TMCO4: variants seen among roughly 807,000 people sequenced by gnomAD.
TMCO4 encodes the protein transmembrane and coiled-coil domains 4.
A neutral mutation model predicts 64.7 loss-of-function variants in TMCO4; 58 were observed. The ratio of observed to expected loss-of-function variants is 0.90; its 90% CI spans 0.73 to 1.12. The LOEUF (loss-of-function observed/expected upper bound fraction) is 1.12, where lower values mean the gene tolerates loss of function less well. TMCO4 is among the 50% of genes most tolerant of loss of function. The pLI is 0.00. For missense variants in TMCO4, 780 were observed against 825.9 expected (o/e 0.94, Z 0.68); for synonymous variants, 325 against 346.1 (o/e 0.94, Z 0.68).
At chr1:19,777,946 G>C (rs2043285524) in intron 4 of TMCO4, among the ~76,000 whole-genome samples, 1 of 152,162 alleles carries the variant, frequency 6.6e-6, no homozygotes, top group South Asian at 2.1e-4. Context: ...CTGGGGTGGG[G>C]GAAGACCACT....
chr1:19,746,749 C>G, intron 8 of TMCO4, 150 bp from the exon 9 acceptor site: 1 of 1,058,116 alleles, frequency 9.5e-7, no homozygotes, highest in Non-Finnish European at 1.3e-6. Flanking sequence ...ACGGTGAAAC[C>G]TCATCTCTAC....
At chr1:19,692,575 C>CAAAAAA (rs532713684) in intron 15 of TMCO4, among the ~76,000 whole-genome samples, 6 of 63,946 alleles carry the variant, frequency 9.4e-5, no homozygotes, top group Non-Finnish European at 1.7e-4. Context: ...ATTAAAAATA[C>CAAAAAA]AAAAAAAAAA....
intron 15 of TMCO4, among the ~76,000 whole-genome samples, chr1:19,686,876 G>A (rs1038444822): frequency 2.6e-5 from 4 of 152,192 alleles, no homozygotes; most frequent in African/African-American, 9.6e-5. Flanking sequence ...CAAGGGCCTG[G>A]CACTTCATAG....
At chr1:19,708,942 T>G (rs558010203) in intron 13 of TMCO4, among the ~76,000 whole-genome samples, 3 of 152,190 alleles carry the variant, frequency 2.0e-5, no homozygotes, top group African/African-American at 7.2e-5. Context: ...ATTTCCTGAC[T>G]GCGGGTCCAG....
chr1:19,728,545 G>C (rs1054420969), intron 13 of TMCO4, among the ~76,000 whole-genome samples: 3 of 152,228 alleles, frequency 2.0e-5, no homozygotes, highest in Non-Finnish European at 1.5e-5. Context: ...CAAGGTCTGA[G>C]GCCAATTGCT....
intron 6 of TMCO4, among the ~76,000 whole-genome samples, chr1:19,759,276 C>T (rs961749738): frequency 6.6e-6 from 1 of 152,082 alleles, no homozygotes; most frequent in East Asian, 1.9e-4. Flanking sequence ...ACTCCTTCTC[C>T]ACTGCCACCG....
chr1:19,685,040 T>G (rs2095135274), intron 15 of TMCO4, among the ~76,000 whole-genome samples: 1 of 152,116 alleles, frequency 6.6e-6, no homozygotes, highest in Non-Finnish European at 1.5e-5. Flanking sequence ...TTTAAGACAA[T>G]TAGGCCAGGC....
chr1:19,792,576 G>A (rs573792051), intron 2 of TMCO4, among the ~76,000 whole-genome samples: 1 of 152,228 alleles, frequency 6.6e-6, no homozygotes, highest in African/African-American at 2.4e-5. Context: ...AAATTCTAAA[G>A]TTAGCACCAA....
chr1:19,696,637 AT>A (rs1305456050), intron 14 of TMCO4, among the ~76,000 whole-genome samples: 1 of 152,156 alleles, frequency 6.6e-6, no homozygotes, highest in Non-Finnish European at 1.5e-5. Flanking sequence ...AATTCAAGTT[AT>A]TTTATTGAAC....
At chr1:19,735,034 G>A (rs953928797) in intron 13 of TMCO4, among the ~76,000 whole-genome samples, 2 of 152,164 alleles carry the variant, frequency 1.3e-5, no homozygotes, top group Admixed American at 6.5e-5. Context: ...CACTCACAGT[G>A]CACTGGGCAC....
At chr1:19,708,691 A>G (rs4457604) in intron 13 of TMCO4, among the ~76,000 whole-genome samples, 125,428 of 151,978 alleles carry the variant, frequency 0.83, 52,352 homozygotes, top group African/African-American at 0.95. Context: ...GCAAACCCTC[A>G]CAGAGCTTTC....
At chr1:19,723,739 T>C (rs769303037) in intron 13 of TMCO4, among the ~76,000 whole-genome samples, 2 of 152,152 alleles carry the variant, frequency 1.3e-5, no homozygotes, top group Non-Finnish European at 2.9e-5. Context: ...CTGGAGGCTC[T>C]TCCAGCTCTG....
At position 19,709,989 on chromosome 1, in the gene TMCO4, C is replaced by T. The variant is rs149828709; in HGVS notation, c.1265-9104G>A. 7.5e-3 allele frequency among the ~76,000 whole-genome samples: 1,137 copies of T among 152,064 alleles called. 18 individuals carry two copies. Among genetic ancestry groups the T allele is most frequent in the African/African-American group, 0.026 (1,064 of 41,470 alleles). ...ACAGATGGGGTTTCTCCATGTTGGT[C>T]AGGCTGGTCTTGAATTCTCGACCTC... On this transcript the variant is annotated intron_variant, in intron 13 of 15. Coordinates refer to ENST00000294543, the MANE Select transcript of TMCO4 (RefSeq NM_181719.7).
intron 13 of TMCO4, among the ~76,000 whole-genome samples, chr1:19,729,338 G>A (rs974443731): frequency 6.6e-6 from 1 of 151,622 alleles, no homozygotes; most frequent in Non-Finnish European, 1.5e-5. Context: ...AGTAGAGATG[G>A]GGTTTTGCCA....
chr1:19,718,650 CAAA>C (rs754998314), intron 13 of TMCO4, among the ~76,000 whole-genome samples: 3 of 63,320 alleles, frequency 4.7e-5, no homozygotes, highest in South Asian at 7.2e-4. Flanking sequence ...GACCGTCTCT[CAAA>C]AAAAAAAAAA....
chr1:19,759,399 A>C (rs1430947733), intron 6 of TMCO4, among the ~76,000 whole-genome samples: 1 of 152,170 alleles, frequency 6.6e-6, no homozygotes, highest in African/African-American at 2.4e-5. Context: ...CTTTAAAATC[A>C]TCAATCCGGT....
chr1:19,687,115 C>G (rs2095155446), intron 15 of TMCO4, among the ~76,000 whole-genome samples: 1 of 152,122 alleles, frequency 6.6e-6, no homozygotes, highest in Non-Finnish European at 1.5e-5. Context: ...CCACACCTGG[C>G]TAATTTTTGT....
At chr1:19,749,276 T>G (rs2041925683) in intron 7 of TMCO4, among the ~76,000 whole-genome samples, 1 of 152,184 alleles carries the variant, frequency 6.6e-6, no homozygotes. Context: ...AGATTATGCA[T>G]CCCTGCCCTG....
At chr1:19,712,445 C>A (rs2095335268) in intron 13 of TMCO4, among the ~76,000 whole-genome samples, 1 of 151,818 alleles carries the variant, frequency 6.6e-6, no homozygotes, top group South Asian at 2.1e-4. Flanking sequence ...ATGGTGAAAC[C>A]CTGTCTCTAC....
Sources: allele counts gnomAD v4.1 joint callset (sites outside exome capture counted in the v4.1 genomes callset), GRCh38; gene constraint gnomAD v4.1.1; transcripts MANE v1.5; gene names NCBI Gene and HGNC (gene_info 2026-07-23, HGNC 2026-07-21).